The following GOT2 variants were observed in gnomAD, a reference collection of about 807,000 sequenced individuals.
GOT2 encodes the protein glutamic-oxaloacetic transaminase 2.
In GOT2, 17 loss-of-function variants were observed where a neutral mutation model predicts 50.0. The ratio of observed to expected loss-of-function variants is 0.34; its 90% CI spans 0.23 to 0.51. The LOEUF is 0.51. Ranked by LOEUF, GOT2 falls within the 20% of genes least tolerant of loss-of-function variation. GOT2 has a pLI of 0.97. For synonymous variants in GOT2, 172 were observed against 204.9 expected, an observed-to-expected ratio of 0.84 and a Z score of 1.37; for missense variants, 430 against 559.6, an observed-to-expected ratio of 0.77 and a Z score of 2.34.
chr16:58,716,111 A>G lies in GOT2; in HGVS notation c.922T>C (p.Leu308=), dbSNP rs1179545610. The G allele has an allele frequency of 5.6e-6, 9 of 1,613,982 alleles. No homozygotes were observed. The highest frequency in any genetic ancestry group is 1.1e-5 in the South Asian group (1 of 91,070). Residue 308 remains leucine, a synonymous_variant, in exon 8 of 10, where the codon TTG becomes CTG. Transcript: ENST00000245206. ...TACATGGGACGGATCAAGATCTTCAACTGTGACTCTACCCTTTTGGCTTCA... is the reference window on the plus strand; with the variant it reads ...TACATGGGACGGATCAAGATCTTCAGCTGTGACTCTACCCTTTTGGCTTCA... ...ADEAKRVESQ[L]KILIRPMYSN...
intron 2 of GOT2, among the ~76,000 whole-genome samples, chr16:58,723,125 G>C (rs1022511840): frequency 1.3e-5 from 2 of 152,172 alleles, no homozygotes; most frequent in Admixed American, 1.3e-4. Flanking sequence ...ACAGTGTTGA[G>C]GTGAAGTGTG....
chr16:58,716,625 G>T, intron 7 of GOT2, 38 bp downstream of exon 7: 1 of 1,595,248 alleles, frequency 6.3e-7, no homozygotes. Flanking sequence ...TTCTCTCCCA[G>T]CATGAGAGCA....
intron 1 of GOT2, among the ~76,000 whole-genome samples, chr16:58,729,728 TTTTTG>T (rs1247958922): frequency 2.0e-5 from 3 of 151,734 alleles, no homozygotes; most frequent in Non-Finnish European, 4.4e-5. Flanking sequence ...GAATTCTTTT[TTTTTG>T]TTTTTGTTTT....
intron 1 of GOT2, among the ~76,000 whole-genome samples, chr16:58,733,449 G>A (rs1172298069): frequency 6.6e-6 from 1 of 152,018 alleles, no homozygotes; most frequent in African/African-American, 2.4e-5. Flanking sequence ...TAGCCTCCCT[G>A]CAACCGGACC....
Position 58,707,974 on chromosome 16 carries a change from C to T in GOT2, c.*197G>A, listed in dbSNP as rs1019965604. 3.6e-5 allele frequency: 15 copies of T among 413,350 alleles called. No individual in the cohort carries two copies. The highest frequency in any genetic ancestry group is 1.4e-4 in the African/African-American group (7 of 48,604). The allele number at this position is 413,350 out of a possible 1,614,324, so 25.6% of individuals were successfully genotyped here. A position where few individuals can be genotyped will look rare whatever the true frequency, so the allele number is the denominator to read the frequency against. ...GGAGAGTTTGGTTTAATATTCCAGA[C>T]GCCAGCCATGGATGCCTCTGCCCTG... On this transcript the variant is annotated 3_prime_UTR_variant, in exon 10 of 10. Transcript: ENST00000245206.
chr16:58,731,721 T>G (rs2044836292), intron 1 of GOT2, among the ~76,000 whole-genome samples: 1 of 152,146 alleles, frequency 6.6e-6, no homozygotes, highest in Non-Finnish European at 1.5e-5. Context: ...TTACAAAGAG[T>G]TCCACATATT....
At chr16:58,731,851 GT>G (rs1398431060) in intron 1 of GOT2, among the ~76,000 whole-genome samples, 1 of 152,192 alleles carries the variant, frequency 6.6e-6, no homozygotes, top group Non-Finnish European at 1.5e-5. Context: ...TTCAGTTTAA[GT>G]ATTTTCCACT....
intron 8 of GOT2, among the ~76,000 whole-genome samples, chr16:58,711,580 C>T (rs1257708816): frequency 2.0e-5 from 3 of 152,204 alleles, no homozygotes; most frequent in Admixed American, 6.5e-5. Flanking sequence ...TAATGTTTTA[C>T]TTCACCCAGT....
intron 7 of GOT2, chr16:58,716,444 A>C (rs959536845): frequency 3.3e-6 from 2 of 605,106 alleles, no homozygotes; most frequent in African/African-American, 3.7e-5. Context: ...AGCAGTAATC[A>C]GTTTCCTTTG....
At chr16:58,716,565 C>CGG in intron 7 of GOT2, 98 bp downstream of exon 7, 1 of 457,710 alleles carries the variant, frequency 2.2e-6, no homozygotes, top group South Asian at 3.4e-5. Context: ...GATGGACACA[C>CGG]ACACACACAC....
intron 1 of GOT2, among the ~76,000 whole-genome samples, chr16:58,732,435 T>G (rs2044842203): frequency 6.6e-6 from 1 of 152,208 alleles, no homozygotes; most frequent in Non-Finnish European, 1.5e-5. Flanking sequence ...TAAACACCAT[T>G]ACACTTGGAC....
intron 1 of GOT2, among the ~76,000 whole-genome samples, chr16:58,733,100 G>A (rs1205849912): frequency 2.6e-5 from 4 of 152,124 alleles, no homozygotes; most frequent in African/African-American, 9.7e-5. Flanking sequence ...TACCTGCTTG[G>A]GGGTGGTTTT....
At chr16:58,726,891 C>T (rs941128155) in intron 1 of GOT2, among the ~76,000 whole-genome samples, 6 of 151,750 alleles carry the variant, frequency 4.0e-5, no homozygotes, top group South Asian at 2.1e-4. Flanking sequence ...CAGTGGCTCA[C>T]GCCTGCAATC....
chr16:58,711,051 A>C (rs1311649407), intron 8 of GOT2, among the ~76,000 whole-genome samples: 3 of 152,062 alleles, frequency 2.0e-5, no homozygotes, highest in Admixed American at 6.6e-5. Context: ...GGTTAAACAA[A>C]AAAAAAAAAT....
At chr16:58,710,709 G>A (rs964574820) in intron 8 of GOT2, among the ~76,000 whole-genome samples, 46 of 144,208 alleles carry the variant, frequency 3.2e-4, no homozygotes, top group Non-Finnish European at 4.6e-5. Flanking sequence ...GTGAAACCCC[G>A]TCTCTACTAA....
At chr16:58,730,243 T>C (rs1480971979) in intron 1 of GOT2, among the ~76,000 whole-genome samples, 2 of 152,238 alleles carry the variant, frequency 1.3e-5, no homozygotes, top group African/African-American at 4.8e-5. Flanking sequence ...TACATGTGCA[T>C]GTCCTGGGGG....
intron 2 of GOT2, 99 bp from the exon 3 acceptor site, chr16:58,722,377 T>G: frequency 7.9e-7 from 1 of 1,267,702 alleles, no homozygotes; most frequent in Non-Finnish European, 1.1e-6. Context: ...GGAGGTAAAG[T>G]CTTTTTTTTT....
intron 6 of GOT2, among the ~76,000 whole-genome samples, chr16:58,717,193 G>C (rs60954835): frequency 6.6e-6 from 1 of 152,280 alleles, no homozygotes; most frequent in East Asian, 1.9e-4. Flanking sequence ...GGGCAACAAA[G>C]TGAGATGCTG....
intron 4 of GOT2, 122 bp from the exon 5 acceptor site, chr16:58,718,810 G>A: frequency 2.5e-6 from 2 of 795,392 alleles, no homozygotes; most frequent in Non-Finnish European, 3.9e-6. Flanking sequence ...TGGTTGAGAA[G>A]CAGTATTGAC....
Sources: gnomAD v4.1 joint callset for allele counts (sites outside exome capture counted in the v4.1 genomes callset) on GRCh38, gnomAD v4.1.1 for gene constraint, MANE v1.5 for transcripts, NCBI Gene and HGNC (gene_info 2026-07-23, HGNC 2026-07-21) for gene names.